Variants in PCDHA12 observed in about 807,000 individuals in gnomAD.
PCDHA12 encodes protocadherin alpha 12, also known as protocadherin alpha-12.
PCDHA12 carries 44 observed loss-of-function variants against 60.0 expected under a neutral mutation model. The observed-to-expected ratio is 0.73, with a 90% CI of 0.58 to 0.94. PCDHA12 has a LOEUF of 0.94. Ranked by LOEUF, PCDHA12 falls within the 40% of genes least tolerant of loss-of-function variation. The pLI is 0.00. For missense variants in PCDHA12, 1,276 were observed against 1,239.7 expected, an observed-to-expected ratio of 1.03 and a Z score of -0.44; for synonymous variants, 569 against 553.0, an observed-to-expected ratio of 1.03 and a Z score of -0.40.
At chr5:141,000,854 G>A (rs2097968530) in intron 3 of PCDHA12, among the ~76,000 whole-genome samples, 1 of 152,010 alleles carries the variant, frequency 6.6e-6, no homozygotes, top group Non-Finnish European at 1.5e-5. Flanking sequence ...CTGGCAGTCA[G>A]CCATGACCTC....
intron 1 of PCDHA12, among the ~76,000 whole-genome samples, chr5:140,971,214 C>T (rs1285730991): frequency 6.6e-6 from 1 of 152,172 alleles, no homozygotes; most frequent in African/African-American, 2.4e-5. Flanking sequence ...GTTACCCTCC[C>T]TCTCCTGACT....
chr5:140,882,558 G>T (rs782792864), intron 1 of PCDHA12: 16 of 1,614,130 alleles, frequency 9.9e-6, no homozygotes, highest in Non-Finnish European at 1.1e-5. Flanking sequence ...GAGCTGTGTG[G>T]GCGGAGCGCG....
At chr5:140,990,073 G>A (rs559119700) in intron 3 of PCDHA12, among the ~76,000 whole-genome samples, 6 of 152,178 alleles carry the variant, frequency 3.9e-5, no homozygotes, top group East Asian at 1.9e-4. Context: ...AAATAAGGGG[G>A]ACAAAGGATG....
rs1554204719 is a variant in PCDHA12, at chr5:140,927,550, A to G, written c.2367+49711A>G. 4.3e-6 allele frequency: 7 copies of G among 1,614,020 alleles called. No homozygotes were observed. In the Admixed American group the frequency reaches 8.3e-5, roughly 19 times the overall value. ...TGCCCGCTCAGGAGACGCACAAGTC[A>G]CCATCATTGTGGTGGACACAAATGA... On this transcript the variant is annotated intron_variant, in intron 1 of 3. Coordinates refer to ENST00000398631, the MANE Select transcript of PCDHA12 (RefSeq NM_018903.4).
intron 3 of PCDHA12, among the ~76,000 whole-genome samples, chr5:141,002,367 A>T (rs2098076282): frequency 6.6e-6 from 1 of 152,248 alleles, no homozygotes; most frequent in African/African-American, 2.4e-5. Context: ...CTTTCAACTC[A>T]TTCTGGCTTA....
chr5:140,947,539 C>G (rs144026826), intron 1 of PCDHA12, among the ~76,000 whole-genome samples: 3 of 151,678 alleles, frequency 2.0e-5, no homozygotes, highest in Admixed American at 2.0e-4. Context: ...TCAATTTCTA[C>G]AAAGAATTCC....
intron 3 of PCDHA12, among the ~76,000 whole-genome samples, chr5:140,987,224 A>AT (rs34154612): frequency 0.031 from 4,713 of 152,034 alleles, 257 homozygotes; most frequent in African/African-American, 0.11. Context: ...AAAAAAAAAA[A>AT]AAATAATAAA....
rs2057358206 is a variant in PCDHA12 at position 140,877,821 on chromosome 5, T to C, written c.2349T>C (p.Cys783=). The C allele has an allele frequency of 6.2e-7, 1 of 1,603,226 alleles. No individual in the cohort carries two copies. The highest frequency in any genetic ancestry group is 2.2e-5 in the East Asian group (1 of 44,806). ...GCCTTCAGCTGTCTCGAGAAGATTG[T>C]TTAAATCCTCCCAGTGAAGTAAGTT... ...SPSLQLSRED[C]LNPPSEPRQP... is the part of the protein sequence containing the mutation. The change falls in exon 1 of 4, where the codon TGT becomes TGC. Residue 783 remains cysteine, a synonymous_variant. Coordinates refer to ENST00000398631, the MANE Select transcript of PCDHA12 (RefSeq NM_018903.4).
chr5:140,968,081 G>A, intron 1 of PCDHA12: 2 of 1,614,120 alleles, frequency 1.2e-6, no homozygotes, highest in Non-Finnish European at 1.7e-6. Context: ...CAACATCACG[G>A]TGACAGCCAC....
chr5:140,931,215 CAG>C (rs2087377353), intron 1 of PCDHA12, among the ~76,000 whole-genome samples: 1 of 152,106 alleles, frequency 6.6e-6, no homozygotes, highest in East Asian at 1.9e-4. Flanking sequence ...TTTCAGGTAT[CAG>C]AGCACTTAAT....
chr5:140,967,838 G>A, intron 1 of PCDHA12: 1 of 1,614,124 alleles, frequency 6.2e-7, no homozygotes, highest in Non-Finnish European at 8.5e-7. Flanking sequence ...CATCGTGGAC[G>A]TGAATGACAA....
At chr5:140,993,337 G>A (rs2097550534) in intron 3 of PCDHA12, among the ~76,000 whole-genome samples, 1 of 151,924 alleles carries the variant, frequency 6.6e-6, no homozygotes, top group African/African-American at 2.4e-5. Context: ...GTGATTTGAA[G>A]GGCACTACGA....
At chr5:141,000,361 GTC>G (rs148596731) in intron 3 of PCDHA12, among the ~76,000 whole-genome samples, 577 of 26,370 alleles carry the variant, frequency 0.022, 17 homozygotes, top group Admixed American at 0.027. Context: ...GTCTCTCTCT[GTC>G]TCTCTCTCTC....
rs782420685 is a variant in PCDHA12, at chr5:140,978,941, T to G, written c.2368-8T>G. 1 of 1,614,158 alleles carries G rather than the reference T, an allele frequency of 6.2e-7. No homozygotes were observed. The highest frequency in any genetic ancestry group is 2.2e-5 in the East Asian group (1 of 44,880). On this transcript the variant is annotated splice_region_variant and splice_polypyrimidine_tract_variant and intron_variant, in intron 1 of 3. Transcript: ENST00000398631. ...TTTTAACAGAAAACTCTCTTTGTGA[T>G]TTTGCAGCCACGACAGCCCAACCCT...
At chr5:140,917,863 G>A (rs182359679) in intron 1 of PCDHA12, among the ~76,000 whole-genome samples, 1 of 151,750 alleles carries the variant, frequency 6.6e-6, no homozygotes, top group East Asian at 1.9e-4. Context: ...GGATTGCTTT[G>A]ACTATTTGGG....
At chr5:140,914,788 T>G (rs2076845575) in intron 1 of PCDHA12, among the ~76,000 whole-genome samples, 1 of 152,192 alleles carries the variant, frequency 6.6e-6, no homozygotes, top group South Asian at 2.1e-4. Context: ...TTATGACCCA[T>G]TATTTTAAAC....
chr5:140,969,148 G>A, intron 1 of PCDHA12: 2 of 1,614,102 alleles, frequency 1.2e-6, no homozygotes, highest in Non-Finnish European at 8.5e-7. Context: ...ACTGCTACAA[G>A]GCCTGTCTGA....
In PCDHA12 at chr5:141,010,279, A is replaced by T. The variant is rs2098416787; in HGVS notation, c.*342A>T. 2.6e-6 allele frequency: 4 copies of T among 1,551,490 alleles called. No homozygotes were observed. The highest frequency in any genetic ancestry group is 3.5e-6 in the Non-Finnish European group (4 of 1,146,936). ...CCTGTGCTCCGGGGATCCTGTCTTG[A>T]TGACACTTGCAGGGCAGGCTGAAAA... On this transcript the variant is annotated 3_prime_UTR_variant, in exon 4 of 4. Coordinates refer to ENST00000398631, the MANE Select transcript of PCDHA12 (RefSeq NM_018903.4).
Position 140,927,344 on chromosome 5 carries a change from A to G in PCDHA12, c.2367+49505A>G, listed in dbSNP as rs144568777. 1.0e-4 allele frequency: 168 copies of G among 1,613,994 alleles called. No homozygotes were observed. Among genetic ancestry groups the G allele is most frequent in the Middle Eastern group, 8.2e-4 (5 of 6,062 alleles). On this transcript the variant is annotated intron_variant, in intron 1 of 3. Transcript: ENST00000398631. ...TTTACTCTCCCGAATGCCCAAGATGACGACGAGGGAAGCAATGGGATACTA... is the reference window on the plus strand; with the variant it reads ...TTTACTCTCCCGAATGCCCAAGATGGCGACGAGGGAAGCAATGGGATACTA...
Sources: gnomAD v4.1 joint callset for allele counts (sites outside exome capture counted in the v4.1 genomes callset) on GRCh38, gnomAD v4.1.1 for gene constraint, MANE v1.5 for transcripts, NCBI Gene and HGNC (gene_info 2026-07-23, HGNC 2026-07-21) for gene names.